ZDHHC3: variants seen among roughly 807,000 people sequenced by gnomAD.
ZDHHC3 encodes zDHHC palmitoyltransferase 3.
A neutral mutation model predicts 30.6 loss-of-function variants in ZDHHC3; 9 were observed. That is an observed-to-expected ratio of 0.29 (90% CI 0.18 to 0.51). The LOEUF is 0.51. Ranked by LOEUF, ZDHHC3 falls within the 20% of genes least tolerant of loss-of-function variation. The pLI is 0.97. For missense variants in ZDHHC3, 246 were observed against 384.2 expected, an observed-to-expected ratio of 0.64 and a Z score of 3.01; for synonymous variants, 136 against 140.2, an observed-to-expected ratio of 0.97 and a Z score of 0.21.
chr3:44,931,035 G>A (rs913438184), intron 5 of ZDHHC3, among the ~76,000 whole-genome samples: 2 of 152,170 alleles, frequency 1.3e-5, no homozygotes, highest in African/African-American at 4.8e-5. Flanking sequence ...TTTCTGTACT[G>A]GTTTGATAGG....
At chr3:44,967,983 T>C (rs1001942521) in intron 1 of ZDHHC3, among the ~76,000 whole-genome samples, 2 of 152,224 alleles carry the variant, frequency 1.3e-5, no homozygotes, top group Non-Finnish European at 2.9e-5. Context: ...TGGCAGCTTT[T>C]ATTCGCCATT....
rs3082727 is a variant in ZDHHC3, at chr3:44,975,770, T to TCACACACACACA, written c.-25+162_-25+163insTGTGTGTGTGTG. On this transcript the variant is annotated intron_variant, in intron 1 of 6. Coordinates refer to ENST00000424952, the MANE Select transcript of ZDHHC3 (RefSeq NM_001135179.2). Reference sequence around the variant, plus strand: ...GGGTCTCTCTCTCTCTCTCTCTCTCTCTCACACACACACACACACACACAC... The same window carrying TCACACACACACA: ...GGGTCTCTCTCTCTCTCTCTCTCTCTCACACACACACACTCACACACACACACACACACACAC... 8.1e-5 allele frequency among the ~76,000 whole-genome samples: 9 copies of TCACACACACACA among 111,550 alleles called. No homozygotes were observed. The South Asian group carries it at 1.4e-3, about 18-fold the overall frequency. 73.2% of individuals were successfully genotyped at this position (111,550 alleles called of 152,430 possible).
chr3:44,942,044 A>C (rs1256981815), intron 3 of ZDHHC3, among the ~76,000 whole-genome samples: 1 of 152,232 alleles, frequency 6.6e-6, no homozygotes, highest in African/African-American at 2.4e-5. Context: ...GAAAGACCCA[A>C]CCACACACCA....
rs779225841 is a variant in ZDHHC3 at position 44,922,024 on chromosome 3, C to T, written c.*4665G>A. On this transcript the variant is annotated 3_prime_UTR_variant, in exon 7 of 7. Coordinates refer to ENST00000424952, the MANE Select transcript of ZDHHC3 (RefSeq NM_001135179.2). ...CCCTGGGGGCCACTCTGCTTTGCTACGGCAATCACACTGCTCAAGTCAGCA... is the reference window on the plus strand; with the variant it reads ...CCCTGGGGGCCACTCTGCTTTGCTATGGCAATCACACTGCTCAAGTCAGCA... The T allele has an allele frequency of 2.1e-5, 21 of 985,302 alleles. No individual in the cohort carries two copies. The highest frequency in any genetic ancestry group is 2.3e-5 in the Non-Finnish European group (19 of 829,942). The allele number at this position is 985,302 out of a possible 1,614,324, so 61.0% of individuals were successfully genotyped here.
chr3:44,944,354 C>T (rs1702726210), intron 3 of ZDHHC3, among the ~76,000 whole-genome samples: 1 of 152,238 alleles, frequency 6.6e-6, no homozygotes, highest in African/African-American at 2.4e-5. Context: ...CCATGTTGGT[C>T]AGGCTGGTCT....
chr3:44,955,664 C>T (rs1037858782), intron 2 of ZDHHC3, among the ~76,000 whole-genome samples: 5 of 152,076 alleles, frequency 3.3e-5, no homozygotes, highest in East Asian at 1.9e-4. Flanking sequence ...TAAAAAAAGA[C>T]GACTGCAATA....
intron 2 of ZDHHC3, among the ~76,000 whole-genome samples, chr3:44,952,373 C>T (rs906853334): frequency 1.3e-5 from 2 of 152,320 alleles, no homozygotes; most frequent in African/African-American, 4.8e-5. Context: ...ACTATTAGAG[C>T]ATCTCCCAGG....
chr3:44,959,843 A>ACCTCCCACCTCGGGCTCAAGGGAT lies in ZDHHC3; in HGVS notation c.-24-407_-24-384dup, dbSNP rs1468770695. Reference sequence around the variant, plus strand: ...ACCGTCTTAGGTCAATGCAGCCTCGACCTCCCACCTCGGGCTCAAGGGATC... The same window carrying ACCTCCCACCTCGGGCTCAAGGGAT: ...ACCGTCTTAGGTCAATGCAGCCTCGACCTCCCACCTCGGGCTCAAGGGATCCTCCCACCTCGGGCTCAAGGGATC... On this transcript the variant is annotated intron_variant, in intron 1 of 6. Transcript: ENST00000424952. This position sits in a 1 kb window ranked among gnomAD's most constrained non-coding sequence, Gnocchi z 4.3. 1.3e-5 allele frequency among the ~76,000 whole-genome samples: 2 copies of ACCTCCCACCTCGGGCTCAAGGGAT among 151,910 alleles called. No individual in the cohort carries two copies. The highest frequency in any genetic ancestry group is 6.6e-5 in the Admixed American group (1 of 15,224).
At position 44,959,290 on chromosome 3, in the gene ZDHHC3, G is replaced by A. The variant is rs367543250; in HGVS notation, c.147C>T (p.Ile49=). 2 of 1,614,212 alleles carry A rather than the reference G, an allele frequency of 1.2e-6. No individual in the cohort carries two copies. Among genetic ancestry groups the A allele is most frequent in the Non-Finnish European group, 1.7e-6 (2 of 1,180,040 alleles). ...IRDGCGIACA[I]VTWFLVLYAE... ...CATAGAGGACCAGAAACCAGGTAAC[G>A]ATGGCACAGGCGATGCCACAGCCGT... is the stretch of plus-strand genomic sequence containing the variant. The change falls in exon 2 of 7, where the codon ATC becomes ATT. Residue 49 remains isoleucine, a synonymous_variant. Coordinates refer to ENST00000424952, the MANE Select transcript of ZDHHC3 (RefSeq NM_001135179.2). The surrounding 1 kb of genome is among the most constrained non-coding windows in gnomAD (Gnocchi z 4.3).
rs369987959 is a variant in ZDHHC3, at chr3:44,930,370, T to C, written c.611-934A>G. Among the ~76,000 whole-genome samples the C allele has an allele frequency of 2.5e-4, 38 of 152,232 alleles. No individual in the cohort carries two copies. The East Asian group carries it at 7.2e-3, about 29-fold the overall frequency. On this transcript the variant is annotated intron_variant, in intron 5 of 6. Transcript: ENST00000424952. ...CCTGGGAAATGCCAGGCCTGGAAGA[T>C]GGTGCTGACAGACAGGCTAGGCCCC... is the stretch of plus-strand genomic sequence containing the variant.
chr3:44,927,545 G>C (rs965254514), intron 6 of ZDHHC3, among the ~76,000 whole-genome samples: 2 of 152,212 alleles, frequency 1.3e-5, no homozygotes, highest in Non-Finnish European at 2.9e-5. Flanking sequence ...AGGGTGGCAT[G>C]GCCAGGCCAG....
intron 1 of ZDHHC3, among the ~76,000 whole-genome samples, chr3:44,964,654 A>G (rs764772868): frequency 2.6e-5 from 4 of 152,190 alleles, no homozygotes; most frequent in Non-Finnish European, 5.9e-5. Flanking sequence ...GTGACAGGCA[A>G]GACAGATGAG....
intron 5 of ZDHHC3, among the ~76,000 whole-genome samples, chr3:44,931,794 T>C (rs551659534): frequency 6.6e-6 from 1 of 152,304 alleles, no homozygotes; most frequent in East Asian, 1.9e-4. Context: ...GACCCTCTTG[T>C]TAGCTGAGTG....
chr3:44,945,589 G>A (rs1052273935), intron 2 of ZDHHC3, among the ~76,000 whole-genome samples: 5 of 151,858 alleles, frequency 3.3e-5, no homozygotes, highest in Non-Finnish European at 7.4e-5. Context: ...GTCTTGCTCT[G>A]TCGCCCAGGC....
intron 2 of ZDHHC3, among the ~76,000 whole-genome samples, chr3:44,956,872 A>G (rs760573981): frequency 6.6e-6 from 1 of 152,104 alleles, no homozygotes; most frequent in Non-Finnish European, 1.5e-5. Flanking sequence ...AATAAAATCC[A>G]AAGTTCTCAT....
chr3:44,958,532 G>A, intron 2 of ZDHHC3: 2 of 1,457,262 alleles, frequency 1.4e-6, no homozygotes, highest in Non-Finnish European at 9.3e-7. Context: ...GCGCAGCTTG[G>A]CATATTTAGC....
chr3:44,937,951 G>C (rs1210736419), intron 3 of ZDHHC3: 10 of 458,658 alleles, frequency 2.2e-5, no homozygotes, highest in Admixed American at 1.2e-4. Flanking sequence ...CCGTGAGACA[G>C]AAAGAAACAG....
chr3:44,955,307 T>C (rs941846464), intron 2 of ZDHHC3, among the ~76,000 whole-genome samples: 2 of 152,118 alleles, frequency 1.3e-5, no homozygotes, highest in African/African-American at 2.4e-5. Flanking sequence ...TCAAGCTCTA[T>C]GTGGACCTAT....
At chr3:44,972,737 T>C (rs1705506764) in intron 1 of ZDHHC3, among the ~76,000 whole-genome samples, 1 of 152,224 alleles carries the variant, frequency 6.6e-6, no homozygotes, top group Non-Finnish European at 1.5e-5. Context: ...GTTCATGCAG[T>C]AGTTCGAGGT....
Sources: gnomAD v4.1 joint callset for allele counts (sites outside exome capture counted in the v4.1 genomes callset) on GRCh38, gnomAD v4.1.1 for gene constraint, Gnocchi (gnomAD v3.1) non-coding constraint, MANE v1.5 for transcripts, NCBI Gene and HGNC (gene_info 2026-07-23, HGNC 2026-07-21) for gene names.